Variants in COL5A2 observed in about 807,000 individuals in gnomAD.
The protein encoded by COL5A2 is collagen type V alpha 2 chain.
COL5A2 carries 23 observed loss-of-function variants against 208.2 expected under a neutral mutation model. The ratio of observed to expected loss-of-function variants is 0.11; its 90% CI spans 0.08 to 0.16. COL5A2 has a LOEUF of 0.16. COL5A2 is among the 10% of genes least tolerant of loss of function. COL5A2 has a pLI of 1.00. For synonymous variants in COL5A2, 625 were observed against 628.5 expected (o/e 0.99, Z 0.08); for missense variants, 1,590 against 1,956.4 (o/e 0.81, Z 3.53).
the COL5A2 span, among the ~76,000 whole-genome samples, chr2:189,241,834 T>C: frequency 2.8e-4 from 43 of 152,220 alleles, no homozygotes; most frequent in African/African-American, 1.0e-3. Context: ...CCAAGTTAAT[T>C]CCACCAAACT....
chr2:189,235,840 G>A, the COL5A2 span, among the ~76,000 whole-genome samples: 2 of 151,622 alleles, frequency 1.3e-5, no homozygotes, highest in East Asian at 3.9e-4. Flanking sequence ...TGACTAGCAT[G>A]TAAGAACTTG....
chr2:189,060,922 G>A (rs554048609), intron 30 of COL5A2, 139 bp from the exon 31 acceptor site: 140 of 661,830 alleles, frequency 2.1e-4, no homozygotes, highest in Non-Finnish European at 2.9e-4. Context: ...GACATTTTAA[G>A]TAAAAAATAT....
At chr2:189,351,746 C>T in the COL5A2 span, among the ~76,000 whole-genome samples, 11 of 151,864 alleles carry the variant, frequency 7.2e-5, no homozygotes, top group Non-Finnish European at 1.2e-4. Context: ...GGGGGCAGGA[C>T]GGAAGGAAGA....
intron 32 of COL5A2, among the ~76,000 whole-genome samples, 153 bp from the exon 33 acceptor site, chr2:189,058,680 A>C (rs1476287202): frequency 6.6e-6 from 1 of 152,230 alleles, no homozygotes; most frequent in Non-Finnish European, 1.5e-5. Flanking sequence ...ATAAATTTGA[A>C]GTAAGGATAT....
intron 1 of COL5A2, among the ~76,000 whole-genome samples, chr2:189,197,297 A>T (rs1028261583): frequency 6.6e-6 from 1 of 152,068 alleles, no homozygotes; most frequent in Non-Finnish European, 1.5e-5. Context: ...TTGGGGTGCG[A>T]TGGGAGAGAG....
intron 1 of COL5A2, among the ~76,000 whole-genome samples, chr2:189,175,543 ACTT>A (rs1688660704): frequency 1.6e-5 from 2 of 127,900 alleles, no homozygotes; most frequent in African/African-American, 5.3e-5. Context: ...AAAAAAGAAA[ACTT>A]TTTTTTTTTT....
At chr2:189,415,339 C>CT in the COL5A2 span, among the ~76,000 whole-genome samples, 1 of 151,994 alleles carries the variant, frequency 6.6e-6, no homozygotes, top group African/African-American at 2.4e-5. Context: ...TTTGAATTTT[C>CT]TTGAACCGTG....
chr2:189,414,611 G>A, the COL5A2 span, among the ~76,000 whole-genome samples: 21 of 151,986 alleles, frequency 1.4e-4, 1 homozygote, highest in South Asian at 4.2e-3. Flanking sequence ...TTAGCCAAGT[G>A]CGGTGGCATG....
chr2:189,064,492 C>T (rs1686102300), intron 25 of COL5A2, 65 bp downstream of exon 25: 14 of 1,135,544 alleles, frequency 1.2e-5, no homozygotes, highest in Non-Finnish European at 1.9e-5. Context: ...AAACAAAAAC[C>T]CGACCAATGC....
intron 24 of COL5A2, 58 bp from the exon 25 acceptor site, chr2:189,064,713 C>G (rs1217001312): frequency 1.5e-5 from 18 of 1,205,132 alleles, no homozygotes; most frequent in Non-Finnish European, 2.1e-5. Context: ...CAAAAGCAAG[C>G]AGAAGTAAAA....
chr2:189,139,106 CAG>C (rs1156682565), intron 1 of COL5A2, among the ~76,000 whole-genome samples: 1 of 152,108 alleles, frequency 6.6e-6, no homozygotes, highest in East Asian at 1.9e-4. Flanking sequence ...CCACCCCAGA[CAG>C]GTGATCAAAT....
At chr2:189,149,638 C>T (rs1030274063) in intron 1 of COL5A2, among the ~76,000 whole-genome samples, 1 of 152,170 alleles carries the variant, frequency 6.6e-6, no homozygotes, top group African/African-American at 2.4e-5. Context: ...TAAACATCAA[C>T]ATTATTCTGA....
chr2:189,059,585 G>GT (rs71020980), intron 31 of COL5A2, among the ~76,000 whole-genome samples: 933 of 28,592 alleles, frequency 0.033, 228 homozygotes, highest in African/African-American at 0.08. Flanking sequence ...TTCTTTTCTG[G>GT]TTTTTTTTTT....
chr2:189,065,345 C>T lies in COL5A2; in HGVS notation c.1564-288G>A, dbSNP rs879503085. 5.9e-5 allele frequency among the ~76,000 whole-genome samples: 9 copies of T among 152,126 alleles called. No homozygotes were observed. In the South Asian group the frequency reaches 6.2e-4, roughly 10 times the overall value. On this transcript the variant is annotated intron_variant, in intron 23 of 53. Transcript: ENST00000374866. ...AGGAGTTCAAGACCAGCCTGGCCAA[C>T]GTGGTGAAAACCTGTCTCTACTAAA...
intron 1 of COL5A2, among the ~76,000 whole-genome samples, chr2:189,199,107 G>T (rs888609036): frequency 2.6e-5 from 4 of 151,892 alleles, no homozygotes; most frequent in Admixed American, 1.3e-4. Flanking sequence ...GTAGACTATG[G>T]CTCCTTAAGA....
chr2:189,270,502 G>A, the COL5A2 span, among the ~76,000 whole-genome samples: 1 of 152,178 alleles, frequency 6.6e-6, no homozygotes, highest in African/African-American at 2.4e-5. Flanking sequence ...TCATTCAGGA[G>A]CATGTTGTTC....
the COL5A2 span, among the ~76,000 whole-genome samples, chr2:189,293,668 CA>C: frequency 6.6e-6 from 1 of 152,170 alleles, no homozygotes; most frequent in Non-Finnish European, 1.5e-5. Context: ...CACATGAGGA[CA>C]GGCAAAAAGA....
the COL5A2 span, among the ~76,000 whole-genome samples, chr2:189,332,431 T>C: frequency 6.6e-6 from 1 of 152,214 alleles, no homozygotes; most frequent in Non-Finnish European, 1.5e-5. Context: ...ATTGAAACCA[T>C]ACAGTTTGGC....
At position 189,188,137 on chromosome 2, in the gene COL5A2, T is replaced by C. The variant is rs977914978; in HGVS notation, c.-42+37011A>G. 2.4e-4 allele frequency among the ~76,000 whole-genome samples: 36 copies of C among 152,302 alleles called. 1 individual carries two copies. The highest frequency in any genetic ancestry group is 8.4e-4 in the African/African-American group (35 of 41,574). On this transcript the variant is annotated intron_variant, in intron 1 of 10. Coordinates refer to the COL5A2 transcript ENST00000649966. ...TGTGGTTTACATAATTTCATCTTTT[T>C]AGGTGTACAGTTCTTTAAGTTTTAG...
Sources: allele counts gnomAD v4.1 joint callset (sites outside exome capture counted in the v4.1 genomes callset), GRCh38; gene constraint gnomAD v4.1.1; transcripts MANE v1.5; gene names NCBI Gene and HGNC (gene_info 2026-07-23, HGNC 2026-07-21).